TRPC6: variants seen among roughly 807,000 people sequenced by gnomAD.
TRPC6 encodes short transient receptor potential channel 6.
In TRPC6, 55 loss-of-function variants were observed where a neutral mutation model predicts 90.7. The observed-to-expected ratio is 0.61, with a 90% CI of 0.49 to 0.76. The LOEUF is 0.76. TRPC6 is among the 30% of genes least tolerant of loss of function. The pLI, the probability that TRPC6 is intolerant of heterozygous loss-of-function variation, is 0.00. For missense variants in TRPC6, 989 were observed against 1,122.7 expected, an observed-to-expected ratio of 0.88 and a Z score of 1.70; for synonymous variants, 393 against 393.0, an observed-to-expected ratio of 1.00 and a Z score of 0.00.
At chr11:101,492,820 T>G (rs1859860765) in intron 2 of TRPC6, among the ~76,000 whole-genome samples, 1 of 152,192 alleles carries the variant, frequency 6.6e-6, no homozygotes, top group Non-Finnish European at 1.5e-5. Flanking sequence ...AGTACGTGTC[T>G]ATTTAACAGA....
At chr11:101,541,079 T>A (rs7938237) in intron 1 of TRPC6, among the ~76,000 whole-genome samples, 5,096 of 152,300 alleles carry the variant, frequency 0.033, 282 homozygotes, top group African/African-American at 0.1. Context: ...ACATATTTTA[T>A]GAATTAATAG....
At chr11:101,462,523 C>T (rs527549387) in intron 10 of TRPC6, among the ~76,000 whole-genome samples, 16 of 152,282 alleles carry the variant, frequency 1.1e-4, no homozygotes, top group Non-Finnish European at 2.1e-4. Flanking sequence ...AGAGGTCCTT[C>T]ACATCCCTTG....
At chr11:101,498,213 T>C (rs1035212865) in intron 2 of TRPC6, among the ~76,000 whole-genome samples, 1 of 152,206 alleles carries the variant, frequency 6.6e-6, no homozygotes, top group Non-Finnish European at 1.5e-5. Flanking sequence ...TTACTGACTT[T>C]GTGTTGCCAA....
intron 4 of TRPC6, among the ~76,000 whole-genome samples, chr11:101,484,570 A>G (rs1591076930): frequency 1.7e-5 from 2 of 119,776 alleles, no homozygotes; most frequent in African/African-American, 7.9e-5. Context: ...GAGATATTGT[A>G]TTGTATCTCT....
Position 101,500,210 on chromosome 11 carries a change from C to CTTTTTTTTTTTTTTTTTTTTT in TRPC6, c.945+3813_945+3814insAAAAAAAAAAAAAAAAAAAAA, listed in dbSNP as rs373591780. On this transcript the variant is annotated intron_variant, in intron 2 of 12. Coordinates refer to ENST00000344327, the MANE Select transcript of TRPC6 (RefSeq NM_004621.6). Reference sequence around the variant, plus strand: ...ATTTTTCAAAATGTGTATTTTTTTTCTTTCTTTTTTTTTTTTGAGACGGAG... The same window carrying CTTTTTTTTTTTTTTTTTTTTT: ...ATTTTTCAAAATGTGTATTTTTTTTCTTTTTTTTTTTTTTTTTTTTTTTTCTTTTTTTTTTTTGAGACGGAG... Among the ~76,000 whole-genome samples, 2 of 137,710 alleles carry CTTTTTTTTTTTTTTTTTTTTT rather than the reference C, an allele frequency of 1.5e-5. 1 individual carries two copies. Among genetic ancestry groups the CTTTTTTTTTTTTTTTTTTTTT allele is most frequent in the Non-Finnish European group, 3.1e-5 (2 of 65,080 alleles). The allele number at this position is 137,710 out of a possible 152,430, so 90.3% of individuals were successfully genotyped here.
At chr11:101,489,353 A>C (rs1490047078) in intron 3 of TRPC6, among the ~76,000 whole-genome samples, 1 of 149,846 alleles carries the variant, frequency 6.7e-6, no homozygotes, top group Non-Finnish European at 1.5e-5. Flanking sequence ...AAGCACAGAA[A>C]AAATTTTAAT....
intron 10 of TRPC6, among the ~76,000 whole-genome samples, chr11:101,458,844 T>A (rs1253784298): frequency 6.6e-6 from 1 of 152,090 alleles, no homozygotes; most frequent in Non-Finnish European, 1.5e-5. Context: ...ATTCAAGAGG[T>A]CAGAGAGAGA....
chr11:101,491,885 G>A, intron 2 of TRPC6, 147 bp from the exon 3 acceptor site: 1 of 748,946 alleles, frequency 1.3e-6, no homozygotes, highest in Non-Finnish European at 2.0e-6. Flanking sequence ...GTGTTGCCCA[G>A]GCTGGAGTGC....
chr11:101,579,292 C>T (rs1862138786), intron 1 of TRPC6, among the ~76,000 whole-genome samples: 1 of 151,306 alleles, frequency 6.6e-6, no homozygotes, highest in African/African-American at 2.4e-5. Context: ...TCATTTTTTT[C>T]TTAAGGTTTG....
Position 101,583,607 on chromosome 11 carries a change from C to G in TRPC6, c.-104G>C. 7.8e-7 allele frequency: 1 copy of G among 1,277,966 alleles called. No homozygotes were observed. The highest frequency in any genetic ancestry group is 1.8e-5 in the South Asian group (1 of 55,876). The allele number at this position is 1,277,966 out of a possible 1,614,324, so 79.2% of individuals were successfully genotyped here. A position where few individuals can be genotyped will look rare whatever the true frequency, so the allele number is the denominator to read the frequency against. On this transcript the variant is annotated 5_prime_UTR_variant, in exon 1 of 13. Coordinates refer to ENST00000344327, the MANE Select transcript of TRPC6 (RefSeq NM_004621.6). ...GGTTCGCGTCAGCGGCCGAACTGGA[C>G]CTGGGCAGACCGGTGCCCAGGGGAC...
chr11:101,528,738 G>A (rs940446073), intron 1 of TRPC6, among the ~76,000 whole-genome samples: 1 of 152,012 alleles, frequency 6.6e-6, no homozygotes, highest in South Asian at 2.1e-4. Context: ...AGCAGTATGA[G>A]GTAAGAATTA....
intron 1 of TRPC6, among the ~76,000 whole-genome samples, chr11:101,511,204 C>A (rs564079220): frequency 1.3e-5 from 2 of 152,250 alleles, no homozygotes; most frequent in East Asian, 3.9e-4. Context: ...TGAAAGAAGT[C>A]ATTTGTTCTC....
chr11:101,563,437 A>C (rs4503499), intron 1 of TRPC6, among the ~76,000 whole-genome samples: 2 of 152,036 alleles, frequency 1.3e-5, no homozygotes, highest in African/African-American at 4.8e-5. Flanking sequence ...GGCTGATATG[A>C]TAGAAAACTG....
intron 1 of TRPC6, among the ~76,000 whole-genome samples, chr11:101,563,761 A>G (rs1861767755): frequency 6.6e-6 from 1 of 152,202 alleles, no homozygotes; most frequent in South Asian, 2.1e-4. Flanking sequence ...TACGCAGAGC[A>G]TGAAGGAGGA....
At chr11:101,560,190 A>T (rs890041605) in intron 1 of TRPC6, among the ~76,000 whole-genome samples, 2 of 152,158 alleles carry the variant, frequency 1.3e-5, no homozygotes, top group African/African-American at 4.8e-5. Context: ...TAAATATTTT[A>T]AAAATGATTA....
intron 4 of TRPC6, among the ~76,000 whole-genome samples, chr11:101,483,903 ACGATTCATCT>A (rs1226309007): frequency 6.6e-6 from 1 of 152,178 alleles, no homozygotes; most frequent in African/African-American, 2.4e-5. Flanking sequence ...TTTATAGTAC[ACGATTCATCT>A]CTGTCTAAGA....
At chr11:101,579,332 A>G (rs542792833) in intron 1 of TRPC6, among the ~76,000 whole-genome samples, 2 of 152,212 alleles carry the variant, frequency 1.3e-5, no homozygotes, top group South Asian at 4.1e-4. Context: ...CAACATTTAT[A>G]TGTACTTTTA....
In TRPC6 at chr11:101,473,980, C is replaced by T. The variant is rs182640737; in HGVS notation, c.1745-207G>A. Among the ~76,000 whole-genome samples the T allele has an allele frequency of 2.2e-3, 336 of 152,220 alleles. 5 individuals carry two copies. The highest frequency in any genetic ancestry group is 7.8e-3 in the African/African-American group (322 of 41,538). On this transcript the variant is annotated intron_variant, in intron 6 of 12. Transcript: ENST00000344327. ...ACTCTCCTGGTTTACTAGCAATTTC[C>T]CATAAGGGGATAGCATAATAGTTAA...
At chr11:101,471,945 A>C (rs1255986820) in intron 8 of TRPC6, among the ~76,000 whole-genome samples, 192 bp downstream of exon 8, 1 of 152,334 alleles carries the variant, frequency 6.6e-6, no homozygotes, top group South Asian at 2.1e-4. Context: ...TCTCTGCCCC[A>C]TGACACCTTA....
Sources: allele counts gnomAD v4.1 joint callset (sites outside exome capture counted in the v4.1 genomes callset), GRCh38; gene constraint gnomAD v4.1.1; transcripts MANE v1.5; gene names NCBI Gene and HGNC (gene_info 2026-07-23, HGNC 2026-07-21).